Variants in CCSER1 observed in about 807,000 individuals in gnomAD.
CCSER1 encodes serine-rich coiled-coil domain-containing protein 1.
In CCSER1, 41 loss-of-function variants were observed where a neutral mutation model predicts 82.0. The observed-to-expected ratio is 0.50, with a 90% CI of 0.39 to 0.65. The LOEUF (loss-of-function observed/expected upper bound fraction) is 0.65, where lower values mean the gene tolerates loss of function less well. CCSER1 is among the 30% of genes least tolerant of loss of function. The pLI, the probability that CCSER1 is intolerant of heterozygous loss-of-function variation, is 0.00. For missense variants in CCSER1, 1,119 were observed against 1,064.2 expected, an observed-to-expected ratio of 1.05 and a Z score of -0.72; for synonymous variants, 414 against 383.9, an observed-to-expected ratio of 1.08 and a Z score of -0.92.
chr4:90,898,235 A>G (rs1383295297), intron 8 of CCSER1, among the ~76,000 whole-genome samples: 1 of 117,412 alleles, frequency 8.5e-6, no homozygotes, highest in Non-Finnish European at 1.8e-5. Flanking sequence ...GGATTCTTAT[A>G]GTTTGAGGCC....
intron 10 of CCSER1, among the ~76,000 whole-genome samples, chr4:91,418,265 A>G (rs1280172774): frequency 1.3e-5 from 2 of 150,906 alleles, no homozygotes; most frequent in African/African-American, 4.9e-5. Context: ...GACTAGAAAA[A>G]CAATATATAA....
chr4:91,576,691 T>A (rs1763467405), intron 10 of CCSER1, among the ~76,000 whole-genome samples: 1 of 152,014 alleles, frequency 6.6e-6, no homozygotes, highest in Non-Finnish European at 1.5e-5. Context: ...AATTCATTTT[T>A]GTTTTTTATA....
intron 6 of CCSER1, among the ~76,000 whole-genome samples, chr4:90,693,885 A>G (rs1736493851): frequency 6.6e-6 from 1 of 150,452 alleles, no homozygotes; most frequent in Non-Finnish European, 1.5e-5. Flanking sequence ...GAGAGAAAGA[A>G]AGAAGAAAGA....
At chr4:91,440,329 C>T (rs1304809106) in intron 10 of CCSER1, among the ~76,000 whole-genome samples, 2 of 152,150 alleles carry the variant, frequency 1.3e-5, no homozygotes, top group Non-Finnish European at 1.5e-5. Context: ...AACCGCTCAA[C>T]TACATGGAAA....
intron 1 of CCSER1, among the ~76,000 whole-genome samples, chr4:90,224,396 G>A (rs11929978): frequency 0.65 from 99,494 of 152,096 alleles, 35,044 homozygotes; most frequent in African/African-American, 0.91. Context: ...TGGATTACTC[G>A]GGGTGCTGCA....
intron 9 of CCSER1, among the ~76,000 whole-genome samples, chr4:91,009,940 T>A (rs754184900): frequency 6.6e-6 from 1 of 152,316 alleles, no homozygotes; most frequent in East Asian, 1.9e-4. Flanking sequence ...TAGAGCACCA[T>A]AACAGTCTTG....
chr4:91,410,329 T>C (rs1220009927), intron 10 of CCSER1, among the ~76,000 whole-genome samples: 2 of 152,152 alleles, frequency 1.3e-5, no homozygotes, highest in East Asian at 1.9e-4. Flanking sequence ...TTTTTTACCA[T>C]AGATGAAATA....
At chr4:91,564,677 A>G (rs1048511127) in intron 10 of CCSER1, among the ~76,000 whole-genome samples, 3 of 151,774 alleles carry the variant, frequency 2.0e-5, no homozygotes, top group Non-Finnish European at 4.4e-5. Context: ...TGTTGGCCAC[A>G]TGTGTGCCTT....
chr4:90,645,119 C>A (rs1180998184), intron 6 of CCSER1, among the ~76,000 whole-genome samples: 1 of 151,414 alleles, frequency 6.6e-6, no homozygotes, highest in African/African-American at 2.4e-5. Flanking sequence ...CGATCTCATT[C>A]TTTTGCGGCA....
intron 10 of CCSER1, among the ~76,000 whole-genome samples, chr4:91,504,249 A>T (rs1305271036): frequency 6.6e-6 from 1 of 151,082 alleles, no homozygotes; most frequent in South Asian, 2.1e-4. Flanking sequence ...GAGTCAAAAG[A>T]ATTGTTGTAT....
chr4:90,923,547 C>A, intron 9 of CCSER1, 100 bp downstream of exon 9: 2 of 780,754 alleles, frequency 2.6e-6, no homozygotes, highest in Non-Finnish European at 4.3e-6. Flanking sequence ...ATTGATTTAA[C>A]AGGATTTAGC....
At chr4:91,006,003 C>T (rs1659805924) in intron 9 of CCSER1, among the ~76,000 whole-genome samples, 1 of 152,142 alleles carries the variant, frequency 6.6e-6, no homozygotes, top group Non-Finnish European at 1.5e-5. Flanking sequence ...AATCAGATAG[C>T]ATGATACCTC....
intron 3 of CCSER1, among the ~76,000 whole-genome samples, chr4:90,354,207 C>CT (rs1229085820): frequency 6.6e-6 from 1 of 152,116 alleles, no homozygotes; most frequent in Admixed American, 6.6e-5. Context: ...AAGACAGCTA[C>CT]TATATGATCT....
chr4:90,915,645 G>A (rs1285677693), intron 8 of CCSER1, among the ~76,000 whole-genome samples: 2 of 152,118 alleles, frequency 1.3e-5, no homozygotes, highest in African/African-American at 4.8e-5. Context: ...ATTCAACATA[G>A]TGTTGGAAGT....
chr4:91,528,169 C>G (rs1403094757), intron 10 of CCSER1, among the ~76,000 whole-genome samples: 1 of 152,090 alleles, frequency 6.6e-6, no homozygotes, highest in Non-Finnish European at 1.5e-5. Context: ...AATGCACTTG[C>G]CTTGGCCTCT....
chr4:90,972,570 A>G (rs1196508375), intron 9 of CCSER1, among the ~76,000 whole-genome samples: 1 of 151,826 alleles, frequency 6.6e-6, no homozygotes, highest in African/African-American at 2.4e-5. Flanking sequence ...ATTGGAAAAA[A>G]TAATATTCTT....
chr4:90,168,741 C>T (rs1731015511), intron 1 of CCSER1, among the ~76,000 whole-genome samples: 1 of 148,726 alleles, frequency 6.7e-6, no homozygotes, highest in African/African-American at 2.5e-5. Flanking sequence ...GAATCCTTTC[C>T]CCATTTCTTG....
chr4:90,200,835 G>A (rs1737558672), intron 1 of CCSER1, among the ~76,000 whole-genome samples: 1 of 152,066 alleles, frequency 6.6e-6, no homozygotes, highest in Admixed American at 6.6e-5. Context: ...TAGATTGTCA[G>A]TACTTATATA....
chr4:91,016,204 C>T (rs937235679), intron 9 of CCSER1, among the ~76,000 whole-genome samples: 6 of 151,910 alleles, frequency 3.9e-5, no homozygotes, highest in Admixed American at 6.6e-5. Context: ...GTTTTATAAA[C>T]GTACTTTTTA....
Sources: gnomAD v4.1 joint callset for allele counts (sites outside exome capture counted in the v4.1 genomes callset) on GRCh38, gnomAD v4.1.1 for gene constraint, MANE v1.5 for transcripts, NCBI Gene and HGNC (gene_info 2026-07-23, HGNC 2026-07-21) for gene names.